Variants in LARGE1 observed in about 807,000 individuals in gnomAD.
LARGE1 encodes the protein LARGE xylosyl- and glucuronyltransferase 1, also known as xylosyl- and glucuronyltransferase LARGE1.
LARGE1 carries 43 observed loss-of-function variants against 87.6 expected under a neutral mutation model. The ratio of observed to expected loss-of-function variants is 0.49; its 90% CI spans 0.38 to 0.63. The LOEUF (loss-of-function observed/expected upper bound fraction) is 0.63. LARGE1 is among the 30% of genes least tolerant of loss of function. The pLI is 0.00. For synonymous variants in LARGE1, 434 were observed against 394.6 expected (o/e 1.10, Z -1.18); for missense variants, 802 against 1,000.2 (o/e 0.80, Z 2.67).
At chr22:33,080,482 A>G in the LARGE1 span, among the ~76,000 whole-genome samples, 2 of 152,214 alleles carry the variant, frequency 1.3e-5, no homozygotes, top group African/African-American at 2.4e-5. Context: ...AGAGAACAGG[A>G]AAGGGCAAAT....
At chr22:33,392,572 T>C (rs2065570423) in intron 7 of LARGE1, among the ~76,000 whole-genome samples, 1 of 152,088 alleles carries the variant, frequency 6.6e-6, no homozygotes, top group Non-Finnish European at 1.5e-5. Context: ...GGCAGAAGAA[T>C]TGCTTGAACC....
intron 1 of LARGE1, among the ~76,000 whole-genome samples, chr22:33,766,799 A>G (rs1289411356): frequency 6.6e-6 from 1 of 151,860 alleles, no homozygotes; most frequent in Admixed American, 6.6e-5. Flanking sequence ...CCTTCAGTCC[A>G]AAGCAATAAA....
intron 5 of LARGE1, among the ~76,000 whole-genome samples, chr22:33,603,074 AG>A (rs10718166): frequency 1 from 152,294 of 152,318 alleles, 76,135 homozygotes; most frequent in Middle Eastern, 1. Context: ...AATCAATTTT[AG>A]GCTCAGAATA....
the LARGE1 span, among the ~76,000 whole-genome samples, chr22:33,136,418 T>A: frequency 6.6e-6 from 1 of 152,124 alleles, no homozygotes; most frequent in Non-Finnish European, 1.5e-5. Flanking sequence ...TTCACTACCA[T>A]GAGAACAGTA....
chr22:33,644,963 G>C (rs962821057), intron 3 of LARGE1, among the ~76,000 whole-genome samples: 2 of 152,158 alleles, frequency 1.3e-5, no homozygotes, highest in Non-Finnish European at 1.5e-5. Flanking sequence ...AATCAATATT[G>C]TGAAAGTGGC....
At chr22:33,760,430 G>T (rs111586815) in intron 2 of LARGE1, among the ~76,000 whole-genome samples, 7 of 152,150 alleles carry the variant, frequency 4.6e-5, no homozygotes, top group African/African-American at 1.7e-4. Flanking sequence ...TCATGTAACT[G>T]ATCATCTTTC....
At chr22:33,609,736 T>A (rs943529488) in intron 4 of LARGE1, among the ~76,000 whole-genome samples, 4 of 152,006 alleles carry the variant, frequency 2.6e-5, no homozygotes, top group Non-Finnish European at 5.9e-5. Context: ...TAATCCCCAA[T>A]TTTGGAGGTG....
chr22:33,681,747 T>C (rs1375951278), intron 2 of LARGE1, among the ~76,000 whole-genome samples: 1 of 152,246 alleles, frequency 6.6e-6, no homozygotes, highest in Non-Finnish European at 1.5e-5. Flanking sequence ...GTTTCTGTGT[T>C]TTCTAAAAGT....
intron 1 of LARGE1, among the ~76,000 whole-genome samples, chr22:33,860,806 C>T (rs546795549): frequency 6.6e-6 from 1 of 152,220 alleles, no homozygotes; most frequent in African/African-American, 2.4e-5. Context: ...CCCACTCCAG[C>T]TGCCCACAAC....
chr22:33,411,220 T>G (rs2066294716), intron 7 of LARGE1, among the ~76,000 whole-genome samples: 1 of 152,170 alleles, frequency 6.6e-6, no homozygotes, highest in South Asian at 2.1e-4. Flanking sequence ...GTGTAAATAC[T>G]AAGCCAGGTC....
At chr22:33,523,179 T>G (rs1238853747) in intron 6 of LARGE1, among the ~76,000 whole-genome samples, 1 of 151,952 alleles carries the variant, frequency 6.6e-6, no homozygotes, top group Non-Finnish European at 1.5e-5. Context: ...TAATTTTGTA[T>G]TTTTAGTAGA....
At chr22:33,166,415 C>T (rs1251212711) in exon 12 of LARGE1, 4 of 223,298 alleles carry the variant, frequency 1.8e-5, no homozygotes, top group Non-Finnish European at 3.6e-5. Flanking sequence ...TCACCTGGCA[C>T]GTACCACCTT....
rs554365843 is a variant in LARGE1 at position 33,441,326 on chromosome 22, G to A, written c.788-9061C>T. Among the ~76,000 whole-genome samples the A allele has an allele frequency of 1.1e-4, 17 of 151,896 alleles. No individual in the cohort carries two copies. In the East Asian group the frequency reaches 2.9e-3, roughly 26 times the overall value. Reference sequence around the variant, plus strand: ...TGACCTCAGGTGATCCGCCCACCTCGGCCTCCCAAAGTGCTGGGATTACAG... The same window carrying A: ...TGACCTCAGGTGATCCGCCCACCTCAGCCTCCCAAAGTGCTGGGATTACAG... On this transcript the variant is annotated intron_variant, in intron 6 of 14. Coordinates refer to ENST00000397394, the MANE Select transcript of LARGE1 (RefSeq NM_133642.5).
chr22:33,124,526 G>A, the LARGE1 span, among the ~76,000 whole-genome samples: 2 of 152,038 alleles, frequency 1.3e-5, no homozygotes, highest in Non-Finnish European at 2.9e-5. Flanking sequence ...ATCTCTCGCT[G>A]TCTCACTGAT....
chr22:33,145,625 C>G, the LARGE1 span, among the ~76,000 whole-genome samples: 1 of 152,182 alleles, frequency 6.6e-6, no homozygotes, highest in Non-Finnish European at 1.5e-5. Context: ...AGGAACTTAT[C>G]TAACTGTATT....
the LARGE1 span, among the ~76,000 whole-genome samples, chr22:33,115,054 C>G: frequency 6.6e-6 from 1 of 152,068 alleles, no homozygotes; most frequent in Non-Finnish European, 1.5e-5. Flanking sequence ...TAGTTCAGAA[C>G]TGAGGGAGAT....
chr22:33,630,094 G>A (rs2080057399), intron 3 of LARGE1, among the ~76,000 whole-genome samples: 1 of 152,056 alleles, frequency 6.6e-6, no homozygotes, highest in South Asian at 2.1e-4. Flanking sequence ...AGCTACTCAG[G>A]AGGCTGAGGC....
rs556887618 is a variant in LARGE1 at position 33,597,086 on chromosome 22, C to G, written c.615+7349G>C. ...TGCAGGTCCAGCTTCACTGGAGCTG[C>G]TCCAGCCTTATGAGAGCATTTCGTC... On this transcript the variant is annotated intron_variant, in intron 5 of 14. Coordinates refer to ENST00000397394, the MANE Select transcript of LARGE1 (RefSeq NM_133642.5). Among the ~76,000 whole-genome samples, 8 of 152,242 alleles carry G rather than the reference C, an allele frequency of 5.3e-5. 1 individual carries two copies. The South Asian group carries it at 1.7e-3, about 32-fold the overall frequency.
At chr22:33,571,688 G>A (rs936921401) in intron 5 of LARGE1, among the ~76,000 whole-genome samples, 10 of 151,976 alleles carry the variant, frequency 6.6e-5, no homozygotes, top group Admixed American at 1.3e-4. Context: ...CCTTTATATG[G>A]GCTGACCTAT....
Sources: allele counts gnomAD v4.1 joint callset (sites outside exome capture counted in the v4.1 genomes callset), GRCh38; gene constraint gnomAD v4.1.1; transcripts MANE v1.5; gene names NCBI Gene and HGNC (gene_info 2026-07-23, HGNC 2026-07-21).